DOCK10: variants seen among roughly 807,000 people sequenced by gnomAD.
DOCK10 encodes dedicator of cytokinesis 10, also known as dedicator of cytokinesis protein 10.
A neutral mutation model predicts 280.1 loss-of-function variants in DOCK10; 145 were observed. The ratio of observed to expected loss-of-function variants is 0.52; its 90% CI spans 0.45 to 0.59. The LOEUF is 0.59. Ranked by LOEUF, DOCK10 falls within the 20% of genes least tolerant of loss-of-function variation. The pLI is 0.00. For missense variants in DOCK10, 2,368 were observed against 2,651.7 expected (o/e 0.89, Z 2.35); for synonymous variants, 915 against 942.2 (o/e 0.97, Z 0.53).
rs72305904 is a variant in DOCK10, at chr2:224,854,854, G to GCCAACCAA, written c.1888+101_1888+108dup. The GCCAACCAA allele has an allele frequency of 6.3e-4, 396 of 631,100 alleles. 3 individuals are homozygous for GCCAACCAA. The highest frequency in any genetic ancestry group is 4.5e-3 in the African/African-American group (226 of 50,772). 39.1% of individuals were successfully genotyped at this position (631,100 alleles called of 1,614,324 possible). A position where few individuals can be genotyped will look rare whatever the true frequency, so the allele number is the denominator to read the frequency against. ...CCAAAACCTTGTAACCAACCAACTA[G>GCCAACCAA]CCAACCAACCAACCAACCAACCAAC... On this transcript the variant is annotated intron_variant, in intron 16 of 55. Coordinates refer to ENST00000258390, the MANE Select transcript of DOCK10 (RefSeq NM_014689.3).
At chr2:224,904,528 A>C (rs1700475342) in intron 3 of DOCK10, among the ~76,000 whole-genome samples, 1 of 152,184 alleles carries the variant, frequency 6.6e-6, no homozygotes, top group South Asian at 2.1e-4. Context: ...TAGTTCTAGG[A>C]TGAGAAACTC....
rs116766677 is a variant in DOCK10, at chr2:224,996,001, C to G, written c.123+46251G>C. 3.9e-3 allele frequency among the ~76,000 whole-genome samples: 601 copies of G among 152,286 alleles called. 6 individuals are homozygous for G. The highest frequency in any genetic ancestry group is 0.013 in the African/African-American group (538 of 41,546). The stretch of plus-strand genomic sequence containing the variant: ...ATGTTATTAACTTCCTTGGAACTGA[C>G]TATGGGGTAATTTGAGTCAACTAGT... On this transcript the variant is annotated intron_variant, in intron 1 of 55. Coordinates refer to ENST00000258390, the MANE Select transcript of DOCK10 (RefSeq NM_014689.3).
At chr2:225,041,949 G>A (rs1210831693) in intron 1 of DOCK10, among the ~76,000 whole-genome samples, 4 of 152,142 alleles carry the variant, frequency 2.6e-5, no homozygotes, top group African/African-American at 4.8e-5. Context: ...GTGCATTCCG[G>A]CCCCCTCGCG....
chr2:224,879,764 A>T (rs75614116), intron 7 of DOCK10, among the ~76,000 whole-genome samples: 4 of 148,936 alleles, frequency 2.7e-5, no homozygotes, highest in African/African-American at 9.8e-5. Flanking sequence ...GTCTCAAAAT[A>T]AAAAAAAAAA....
intron 26 of DOCK10, among the ~76,000 whole-genome samples, chr2:224,831,682 T>C (rs1695247211): frequency 6.6e-6 from 1 of 152,234 alleles, no homozygotes; most frequent in Non-Finnish European, 1.5e-5. Context: ...TAGGGCCTTG[T>C]ACGCCTGAGC....
At chr2:225,022,026 TAAGTC>T (rs1264776941) in intron 1 of DOCK10, among the ~76,000 whole-genome samples, 2 of 152,226 alleles carry the variant, frequency 1.3e-5, no homozygotes, top group East Asian at 1.9e-4. Flanking sequence ...CAAAAGAACA[TAAGTC>T]AAGTTGGATT....
At chr2:224,885,274 AC>A (rs1264467573) in intron 7 of DOCK10, among the ~76,000 whole-genome samples, 1 of 152,338 alleles carries the variant, frequency 6.6e-6, no homozygotes, top group Non-Finnish European at 1.5e-5. Context: ...TGTTGGGATT[AC>A]AGGTGTGAGC....
rs370667556 is a variant in DOCK10, at chr2:224,786,773, C to G, written c.5655+249G>C. On this transcript the variant is annotated intron_variant, in intron 50 of 55. Coordinates refer to ENST00000258390, the MANE Select transcript of DOCK10 (RefSeq NM_014689.3). The surrounding 1 kb of genome is among the most constrained non-coding windows in gnomAD (Gnocchi z 4.7). ...AAGAGAGTGTTGAAAAATAAATGCC[C>G]TCTTTCTTCAAGAAGTTAGAAATCA... 2.0e-5 allele frequency among the ~76,000 whole-genome samples: 3 copies of G among 152,098 alleles called. No individual in the cohort carries two copies. Among genetic ancestry groups the G allele is most frequent in the African/African-American group, 7.2e-5 (3 of 41,402 alleles).
intron 1 of DOCK10, among the ~76,000 whole-genome samples, chr2:224,957,113 T>G (rs753947026): frequency 1.3e-5 from 2 of 152,134 alleles, no homozygotes; most frequent in Non-Finnish European, 2.9e-5. Context: ...TTTTGTAGCA[T>G]CCCTGGCTGG....
At chr2:224,892,518 A>G (rs1160741019) in intron 4 of DOCK10, among the ~76,000 whole-genome samples, 1 of 152,064 alleles carries the variant, frequency 6.6e-6, no homozygotes, top group Admixed American at 6.6e-5. Context: ...GGCCACGTGT[A>G]GAAAGACTCT....
intron 1 of DOCK10, among the ~76,000 whole-genome samples, chr2:224,941,961 T>C (rs1559824280): frequency 6.6e-6 from 1 of 152,006 alleles, no homozygotes; most frequent in Non-Finnish European, 1.5e-5. Flanking sequence ...TTGCCACCAA[T>C]TGAGGGAATC....
Position 224,874,726 on chromosome 2 carries a change from A to G in DOCK10, c.957T>C (p.Cys319=). The change falls in exon 9 of 56, where the codon TGT becomes TGC. Residue 319 remains cysteine (C), a synonymous_variant. Coordinates refer to ENST00000258390, the MANE Select transcript of DOCK10 (RefSeq NM_014689.3). ...AATCTGTTTCCTCTGGCGTGCATTC[A>G]CAAGTTACAGAATTATCCAGCGAAT... The part of the protein sequence containing the change: ...GLDSLDNSVT[C]ECTPEETDSS... 6.2e-7 allele frequency: 1 copy of G among 1,613,944 alleles called. No homozygotes were observed. The highest frequency in any genetic ancestry group is 8.5e-7 in the Non-Finnish European group (1 of 1,179,854).
Position 224,993,892 on chromosome 2 carries a change from C to G in DOCK10, c.123+48360G>C, listed in dbSNP as rs1203859069. On this transcript the variant is annotated intron_variant, in intron 1 of 55. Transcript: ENST00000258390. ...TGGTCAGCTGCATGTACTCTTGGGT[C>G]TTTAAGAATATGTGTGGTTAGGATA... Among the ~76,000 whole-genome samples the G allele has an allele frequency of 1.3e-4, 20 of 152,104 alleles. 1 individual carries two copies. The highest frequency in any genetic ancestry group is 1.3e-3 in the Admixed American group (20 of 15,268).
chr2:224,893,656 A>G (rs1228547983), intron 4 of DOCK10: 2 of 455,520 alleles, frequency 4.4e-6, no homozygotes, highest in Admixed American at 5.1e-5. Context: ...ACCCTCGCTT[A>G]AAAATAAAAA....
chr2:224,765,620 C>A lies in DOCK10; in HGVS notation c.*101G>T. On this transcript the variant is annotated 3_prime_UTR_variant, in exon 56 of 56. Coordinates refer to ENST00000258390, the MANE Select transcript of DOCK10 (RefSeq NM_014689.3). ...AGCGAGGTAAACAAAAATATTAACACCATGAAAACTTCAAATAAATTAAAC... is the reference window on the plus strand; with the variant it reads ...AGCGAGGTAAACAAAAATATTAACAACATGAAAACTTCAAATAAATTAAAC... 2 of 807,888 alleles carry A rather than the reference C, an allele frequency of 2.5e-6. No individual in the cohort carries two copies. Among genetic ancestry groups the A allele is most frequent in the Non-Finnish European group, 3.8e-6 (2 of 522,466 alleles). 50.0% of individuals were successfully genotyped at this position (807,888 alleles called of 1,614,324 possible). A position where few individuals can be genotyped will look rare whatever the true frequency, so the allele number is the denominator to read the frequency against.
intron 11 of DOCK10, among the ~76,000 whole-genome samples, chr2:224,866,033 A>G (rs1697891916): frequency 6.6e-6 from 1 of 152,154 alleles, no homozygotes. Context: ...TACCTGCCTA[A>G]TCACCGTGCA....
chr2:224,886,153 A>T lies in DOCK10; in HGVS notation c.522T>A (p.Gly174=). The T allele has an allele frequency of 6.2e-7, 1 of 1,613,392 alleles. No homozygotes were observed. The highest frequency in any genetic ancestry group is 8.5e-7 in the Non-Finnish European group (1 of 1,179,760). ...AAACACCAGTTCCTCCCGCTCCTCCACCCCCCTTGGAAGACGAGTGGGAAG... is the reference window on the plus strand; with the variant it reads ...AAACACCAGTTCCTCCCGCTCCTCCTCCCCCCTTGGAAGACGAGTGGGAAG... ...DTTSHSSSKG[G]GGAGGTGVFK... is the part of the protein sequence containing the mutation. Residue 174 remains glycine, a synonymous_variant, in exon 6 of 56, where the codon GGT becomes GGA. Coordinates refer to ENST00000258390, the MANE Select transcript of DOCK10 (RefSeq NM_014689.3).
chr2:225,010,926 G>A (rs758113722), intron 1 of DOCK10, among the ~76,000 whole-genome samples: 2 of 152,126 alleles, frequency 1.3e-5, no homozygotes. Context: ...CAAACCAAAC[G>A]TAGGTAAAAG....
At chr2:224,854,931 T>C in intron 16 of DOCK10, 32 bp downstream of exon 16, 1 of 1,547,718 alleles carries the variant, frequency 6.5e-7, no homozygotes, top group Non-Finnish European at 8.8e-7. Flanking sequence ...TATTCAAAAC[T>C]CTGCAACCAA....
Sources: gnomAD v4.1 joint callset for allele counts (sites outside exome capture counted in the v4.1 genomes callset) on GRCh38, gnomAD v4.1.1 for gene constraint, Gnocchi (gnomAD v3.1) non-coding constraint, MANE v1.5 for transcripts, NCBI Gene and HGNC (gene_info 2026-07-23, HGNC 2026-07-21) for gene names.